Variants in FAF1 observed in about 807,000 individuals in gnomAD.
The protein encoded by FAF1 is FAS-associated factor 1.
FAF1 carries 25 observed loss-of-function variants against 92.5 expected under a neutral mutation model. That is an observed-to-expected ratio of 0.27 (90% CI 0.20 to 0.38). The LOEUF is 0.38. Ranked by LOEUF, FAF1 falls within the 10% of genes least tolerant of loss-of-function variation. The probability of loss-of-function intolerance (pLI) is 1.00; values close to 1 mark genes in which losing one functional copy is unlikely to be tolerated. For missense variants in FAF1, 636 were observed against 793.3 expected (o/e 0.80, Z 2.38); for synonymous variants, 234 against 273.2 (o/e 0.86, Z 1.42).
At chr1:50,810,037 C>T (rs946140319) in intron 2 of FAF1, among the ~76,000 whole-genome samples, 1 of 152,160 alleles carries the variant, frequency 6.6e-6, no homozygotes, top group African/African-American at 2.4e-5. Context: ...CCGTGGATCA[C>T]ATGAGGTCAG....
intron 15 of FAF1, among the ~76,000 whole-genome samples, chr1:50,509,439 C>T (rs1460591683): frequency 6.6e-6 from 1 of 151,936 alleles, no homozygotes; most frequent in African/African-American, 2.4e-5. Flanking sequence ...CAGTGAGACC[C>T]TATCTCTACA....
intron 1 of FAF1, among the ~76,000 whole-genome samples, chr1:50,868,092 T>C (rs1467353534): frequency 2.0e-5 from 3 of 152,148 alleles, no homozygotes; most frequent in Non-Finnish European, 4.4e-5. Context: ...AAACCGAACA[T>C]TGCATGTTCT....
chr1:50,742,153 TA>T (rs61200472), intron 5 of FAF1, among the ~76,000 whole-genome samples: 439 of 141,552 alleles, frequency 3.1e-3, no homozygotes, highest in African/African-American at 4.7e-3. Context: ...TACAAAAATT[TA>T]AAAAAAAAAA....
chr1:50,529,248 G>C (rs1648007539), intron 15 of FAF1, among the ~76,000 whole-genome samples: 1 of 152,016 alleles, frequency 6.6e-6, no homozygotes, highest in South Asian at 2.1e-4. Flanking sequence ...GATCCATTTT[G>C]GGAAGCTAAG....
At position 50,583,593 on chromosome 1, in the gene FAF1, G is replaced by GA; in HGVS notation, c.1031+58dup. 1.8e-6 allele frequency: 2 copies of GA among 1,083,714 alleles called. No individual in the cohort carries two copies. 67.1% of individuals were successfully genotyped at this position (1,083,714 alleles called of 1,614,324 possible). A position where few individuals can be genotyped will look rare whatever the true frequency, so the allele number is the denominator to read the frequency against. ...ACAATCTATAATTAAAATTGCCCAAGAAAAATCACAGTAGCATAAAACAGC... is the reference window on the plus strand; with the variant it reads ...ACAATCTATAATTAAAATTGCCCAAGAAAAAATCACAGTAGCATAAAACAGC... On this transcript the variant is annotated intron_variant, in intron 11 of 18. Coordinates refer to ENST00000396153, the MANE Select transcript of FAF1 (RefSeq NM_007051.3). The surrounding 1 kb of genome is among the most constrained non-coding windows in gnomAD (Gnocchi z 4.2).
chr1:50,699,559 T>C (rs996366866), intron 7 of FAF1, among the ~76,000 whole-genome samples: 2 of 152,146 alleles, frequency 1.3e-5, no homozygotes, highest in Non-Finnish European at 2.9e-5. Context: ...CTCTTTTAAG[T>C]GCATTTTATC....
intron 6 of FAF1, among the ~76,000 whole-genome samples, chr1:50,715,463 A>G (rs1658132014): frequency 6.6e-6 from 1 of 152,202 alleles, no homozygotes; most frequent in Non-Finnish European, 1.5e-5. Flanking sequence ...AAATAAATAA[A>G]TAAATCTGGC....
chr1:50,466,979 T>C (rs1572762075), intron 18 of FAF1, among the ~76,000 whole-genome samples: 1 of 152,234 alleles, frequency 6.6e-6, no homozygotes, highest in East Asian at 1.9e-4. Flanking sequence ...GCTATCTCTT[T>C]TACACAATCT....
At chr1:50,604,767 T>A (rs1253454438) in intron 8 of FAF1, among the ~76,000 whole-genome samples, 1 of 152,246 alleles carries the variant, frequency 6.6e-6, no homozygotes, top group Admixed American at 6.5e-5. Flanking sequence ...GCTCCTGGGC[T>A]CCCCCTTTTG....
At chr1:50,918,056 C>T (rs1477542462) in intron 1 of FAF1, among the ~76,000 whole-genome samples, 3 of 152,130 alleles carry the variant, frequency 2.0e-5, no homozygotes, top group Non-Finnish European at 2.9e-5. Flanking sequence ...GATCTGCCCA[C>T]CTCAGCCTCC....
intron 7 of FAF1, among the ~76,000 whole-genome samples, chr1:50,688,532 G>A (rs1298609301): frequency 6.6e-6 from 1 of 152,202 alleles, no homozygotes; most frequent in East Asian, 1.9e-4. Flanking sequence ...TAAAATTCCG[G>A]CCAGGCGCGG....
At chr1:50,954,073 C>T (rs951107516) in intron 1 of FAF1, among the ~76,000 whole-genome samples, 16 of 151,960 alleles carry the variant, frequency 1.1e-4, no homozygotes, top group Non-Finnish European at 1.9e-4. Flanking sequence ...CTCAGCCTCC[C>T]GAGTAGCTGG....
intron 7 of FAF1, among the ~76,000 whole-genome samples, chr1:50,674,252 C>A (rs1045587677): frequency 6.6e-6 from 1 of 151,116 alleles, no homozygotes; most frequent in African/African-American, 2.4e-5. Flanking sequence ...CTCCGGGCCC[C>A]AAGGCAATTT....
At chr1:50,798,871 A>C (rs1209211201) in intron 3 of FAF1, among the ~76,000 whole-genome samples, 2 of 152,200 alleles carry the variant, frequency 1.3e-5, no homozygotes, top group Non-Finnish European at 2.9e-5. Context: ...CCCAAAATAA[A>C]AATCTTTTTC....
In FAF1 at chr1:50,745,448, A is replaced by C. The variant is rs78113118; in HGVS notation, c.368-673T>G. On this transcript the variant is annotated intron_variant, in intron 4 of 18. Coordinates refer to ENST00000396153, the MANE Select transcript of FAF1 (RefSeq NM_007051.3). ...GGTTTGAATTTGTGGCCCTGCTCAAATCTCATGTCAAATTGTAATTCCCAG... is the reference window on the plus strand; with the variant it reads ...GGTTTGAATTTGTGGCCCTGCTCAACTCTCATGTCAAATTGTAATTCCCAG... Among the ~76,000 whole-genome samples, 1,179 of 152,308 alleles carry C rather than the reference A, an allele frequency of 7.7e-3. 13 individuals carry two copies. The highest frequency in any genetic ancestry group is 0.027 in the African/African-American group (1,139 of 41,564).
At chr1:50,911,695 T>C (rs2124722792) in intron 1 of FAF1, among the ~76,000 whole-genome samples, 1 of 151,688 alleles carries the variant, frequency 6.6e-6, no homozygotes, top group South Asian at 2.1e-4. Context: ...AGACTCTGTC[T>C]CCAAAAAAAC....
intron 7 of FAF1, among the ~76,000 whole-genome samples, chr1:50,688,841 A>G (rs911420012): frequency 2.0e-5 from 3 of 152,062 alleles, no homozygotes; most frequent in Non-Finnish European, 2.9e-5. Flanking sequence ...AATAAAAAAT[A>G]AAATAAAATA....
chr1:50,707,703 AAAG>A (rs1657743028), intron 6 of FAF1, among the ~76,000 whole-genome samples: 1 of 148,608 alleles, frequency 6.7e-6, no homozygotes, highest in Admixed American at 6.6e-5. Flanking sequence ...CAAAAAAAAG[AAAG>A]AAAAAAGAAA....
chr1:50,507,789 T>A (rs1471820380), intron 15 of FAF1, among the ~76,000 whole-genome samples: 3 of 152,162 alleles, frequency 2.0e-5, no homozygotes, highest in Non-Finnish European at 2.9e-5. Context: ...TTTTAAAAAA[T>A]TTTCCCCAGG....
Sources: allele counts gnomAD v4.1 joint callset (sites outside exome capture counted in the v4.1 genomes callset), GRCh38; gene constraint gnomAD v4.1.1; non-coding constraint Gnocchi (gnomAD v3.1); transcripts MANE v1.5; gene names NCBI Gene and HGNC (gene_info 2026-07-23, HGNC 2026-07-21).